Variants in FBXL13 observed in about 807,000 individuals in gnomAD.
The protein encoded by FBXL13 is F-box and leucine rich repeat protein 13.
FBXL13 carries 67 observed loss-of-function variants against 83.6 expected under a neutral mutation model. The observed-to-expected ratio is 0.80, with a 90% confidence interval of 0.66 to 0.98. The LOEUF (loss-of-function observed/expected upper bound fraction) is 0.98. Ranked by LOEUF, FBXL13 falls within the 50% of genes least tolerant of loss-of-function variation. The probability of loss-of-function intolerance (pLI) is 0.00; values close to 1 mark genes in which losing one functional copy is unlikely to be tolerated. For missense variants in FBXL13, 822 were observed against 866.5 expected, an observed-to-expected ratio of 0.95 and a Z score of 0.64; for synonymous variants, 272 against 299.5, an observed-to-expected ratio of 0.91 and a Z score of 0.95.
In FBXL13 at chr7:103,060,020, TTATATATA is replaced by T. The variant is rs772728840; in HGVS notation, c.-104-4281_-104-4274del. 8.9e-3 allele frequency among the ~76,000 whole-genome samples: 446 copies of T among 50,080 alleles called. 27 individuals are homozygous for T. Among genetic ancestry groups the T allele is most frequent in the East Asian group, 0.03 (25 of 828 alleles). The allele number at this position is 50,080 out of a possible 152,430, so 32.9% of individuals were successfully genotyped here. ...CAACAGATAATGATAGCAAGATATT[TTATATATA>T]TATATATATATATATATATATATAT... On this transcript the variant is annotated intron_variant, in intron 1 of 19. Coordinates refer to ENST00000313221, the Ensembl canonical transcript of FBXL13.
chr7:102,975,248 A>G (rs970210953), intron 6 of FBXL13, among the ~76,000 whole-genome samples: 1 of 152,182 alleles, frequency 6.6e-6, no homozygotes, highest in African/African-American at 2.4e-5. Flanking sequence ...CAAATTAACA[A>G]AAGACTCAGT....
At chr7:103,011,804 CAAT>C (rs928696484) in intron 6 of FBXL13, among the ~76,000 whole-genome samples, 2 of 151,698 alleles carry the variant, frequency 1.3e-5, no homozygotes, top group Non-Finnish European at 2.9e-5. Flanking sequence ...AAGAAAAAAA[CAAT>C]AAAGGAGAAT....
intron 17 of FBXL13, chr7:102,834,623 C>T (rs900912336): frequency 6.6e-6 from 1 of 151,784 alleles, no homozygotes; most frequent in African/African-American, 2.4e-5. Flanking sequence ...TTCAGCAGCA[C>T]AGATACTAAA....
At chr7:102,816,757 G>A (rs1424220932) in intron 19 of FBXL13, among the ~76,000 whole-genome samples, 3 of 152,058 alleles carry the variant, frequency 2.0e-5, no homozygotes, top group East Asian at 1.9e-4. Context: ...GTTAACCCTC[G>A]CCATCCTCCC....
intron 16 of FBXL13, among the ~76,000 whole-genome samples, chr7:102,868,741 C>T (rs1808103201): frequency 6.6e-6 from 1 of 152,224 alleles, no homozygotes; most frequent in Non-Finnish European, 1.5e-5. Context: ...TATCTGGGCT[C>T]ACTGCAACCT....
intron 6 of FBXL13, among the ~76,000 whole-genome samples, chr7:103,011,188 C>T (rs887671447): frequency 6.6e-6 from 1 of 152,060 alleles, no homozygotes; most frequent in African/African-American, 2.4e-5. Context: ...TGATTCTTAA[C>T]CAGGCTGAAA....
chr7:103,020,324 T>TAAA (rs1792989824), intron 6 of FBXL13, among the ~76,000 whole-genome samples: 1 of 152,188 alleles, frequency 6.6e-6, no homozygotes, highest in African/African-American at 2.4e-5. Flanking sequence ...GGGACGTACC[T>TAAA]AAAAATAATA....
intron 14 of FBXL13, among the ~76,000 whole-genome samples, chr7:102,882,090 G>A (rs779563870): frequency 5.3e-5 from 8 of 151,996 alleles, no homozygotes; most frequent in African/African-American, 7.2e-5. Flanking sequence ...GTGAGACCCC[G>A]ACTCTAGAAA....
chr7:102,859,186 G>A (rs984573917), intron 16 of FBXL13, among the ~76,000 whole-genome samples: 1 of 152,178 alleles, frequency 6.6e-6, no homozygotes, highest in Non-Finnish European at 1.5e-5. Flanking sequence ...CGGGGAGCAA[G>A]AGATGTCACC....
intron 1 of FBXL13, among the ~76,000 whole-genome samples, chr7:103,062,039 AAAAAAC>A (rs1265449639): frequency 6.6e-6 from 1 of 151,372 alleles, no homozygotes; most frequent in African/African-American, 2.4e-5. Context: ...AAAAAAAAAA[AAAAAAC>A]AAACCTTTGC....
intron 11 of FBXL13, among the ~76,000 whole-genome samples, chr7:102,907,394 T>C (rs1813925042): frequency 6.6e-6 from 1 of 152,186 alleles, no homozygotes; most frequent in African/African-American, 2.4e-5. Flanking sequence ...TATGTATACA[T>C]GTGCCATGTT....
At chr7:102,860,520 G>T (rs1170166833) in intron 16 of FBXL13, among the ~76,000 whole-genome samples, 1 of 152,108 alleles carries the variant, frequency 6.6e-6, no homozygotes, top group Non-Finnish European at 1.5e-5. Flanking sequence ...GTAGTGGGAG[G>T]GAAGATGGAA....
At chr7:102,958,278 T>C (rs1258950450) in intron 8 of FBXL13, among the ~76,000 whole-genome samples, 1 of 150,750 alleles carries the variant, frequency 6.6e-6, no homozygotes, top group Non-Finnish European at 1.5e-5. Flanking sequence ...CAGCAAACTA[T>C]CACAAGGACA....
intron 6 of FBXL13, among the ~76,000 whole-genome samples, chr7:102,995,406 G>A (rs190389495): frequency 6.0e-5 from 9 of 150,332 alleles, no homozygotes; most frequent in Non-Finnish European, 1.0e-4. Context: ...GCGTGAACTC[G>A]GGAGGCGGAG....
intron 17 of FBXL13, among the ~76,000 whole-genome samples, chr7:102,853,678 AAAAC>A (rs1214242653): frequency 9.8e-5 from 15 of 152,302 alleles, no homozygotes; most frequent in South Asian, 4.1e-4. Flanking sequence ...TTACAAGAAA[AAAAC>A]AAACAACCCC....
chr7:102,836,295 T>G (rs1562930185), intron 17 of FBXL13, among the ~76,000 whole-genome samples: 2 of 152,232 alleles, frequency 1.3e-5, no homozygotes, highest in Non-Finnish European at 2.9e-5. Context: ...GGCTTTATGC[T>G]AAATCAGTGG....
At chr7:102,833,639 C>A (rs1432129702) in intron 17 of FBXL13, among the ~76,000 whole-genome samples, 1 of 151,200 alleles carries the variant, frequency 6.6e-6, no homozygotes, top group Non-Finnish European at 1.5e-5. Context: ...TCTAGGTTGC[C>A]CAGGCTGGTC....
intron 6 of FBXL13, among the ~76,000 whole-genome samples, chr7:103,018,673 A>G (rs2129487378): frequency 6.6e-6 from 1 of 152,338 alleles, no homozygotes; most frequent in South Asian, 2.1e-4. Context: ...AAGGGTTGCA[A>G]TCCTAGTCTC....
At chr7:103,030,590 G>A (rs1045026482) in intron 2 of FBXL13, among the ~76,000 whole-genome samples, 5 of 152,066 alleles carry the variant, frequency 3.3e-5, no homozygotes, top group Non-Finnish European at 7.4e-5. Flanking sequence ...CTTTTTAGAT[G>A]ATATTACCTG....
Sources: allele counts gnomAD v4.1 joint callset (sites outside exome capture counted in the v4.1 genomes callset), GRCh38; gene constraint gnomAD v4.1.1; transcripts MANE v1.5; gene names NCBI Gene and HGNC (gene_info 2026-07-23, HGNC 2026-07-21).